SRRM1: variants seen among roughly 807,000 people sequenced by gnomAD.
The protein encoded by SRRM1 is serine/arginine repetitive matrix protein 1.
A neutral mutation model predicts 110.2 loss-of-function variants in SRRM1; 19 were observed. The ratio of observed to expected loss-of-function variants is 0.17; its 90% confidence interval spans 0.12 to 0.25. The LOEUF (loss-of-function observed/expected upper bound fraction) is 0.25, where lower values mean the gene tolerates loss of function less well. Among genes scored for constraint, SRRM1 ranks in the 10% least tolerant of loss-of-function variants. SRRM1 has a pLI of 1.00. For synonymous variants in SRRM1, 443 were observed against 414.9 expected, an observed-to-expected ratio of 1.07 and a Z score of -0.82; for missense variants, 918 against 1,145.8, an observed-to-expected ratio of 0.80 and a Z score of 2.87.
chr1:24,654,924 A>T lies in SRRM1; in HGVS notation c.1110A>T (p.Pro370=), dbSNP rs763844918. ...SSSSSSRSRS[P]PKKPPKRTSS... ...CCTCTTCATCTCGTTCACGGTCACC[A>T]CCAAAGAAGCCTCCCAAGAGGACAT... The change falls in exon 9 of 17, where the codon CCA becomes CCT. Residue 370 remains proline (P), a synonymous_variant. Coordinates refer to ENST00000323848, the MANE Select transcript of SRRM1 (RefSeq NM_005839.4). 4 of 1,614,070 alleles carry T rather than the reference A, an allele frequency of 2.5e-6. No homozygotes were observed. The East Asian group carries it at 8.9e-5, about 36-fold the overall frequency.
At chr1:24,643,556 C>G (rs954211265) in intron 1 of SRRM1, 37 of 436,796 alleles carry the variant, frequency 8.5e-5, no homozygotes, top group Middle Eastern at 5.8e-4. Context: ...AATGGTCCCC[C>G]CTACGCGGCG....
chr1:24,661,270 TTAAC>T (rs1322475533), intron 10 of SRRM1, 36 bp from the exon 11 acceptor site: 8 of 1,522,486 alleles, frequency 5.3e-6, no homozygotes, highest in Non-Finnish European at 7.3e-6. Context: ...TTCTATATGC[TTAAC>T]TAAAGAAACA....
intron 12 of SRRM1, 145 bp from the exon 13 acceptor site, chr1:24,666,670 G>T: frequency 3.4e-6 from 2 of 594,592 alleles, no homozygotes; most frequent in East Asian, 3.3e-5. Context: ...GAGGCTGAGG[G>T]GGGAGAATTG....
At chr1:24,660,495 G>A (rs553561235) in intron 9 of SRRM1, among the ~76,000 whole-genome samples, 1 of 152,252 alleles carries the variant, frequency 6.6e-6, no homozygotes, top group East Asian at 1.9e-4. Flanking sequence ...ATAGCAGGAA[G>A]GCATCTTGGC....
chr1:24,669,683 A>C (rs902462272), intron 14 of SRRM1, 96 bp downstream of exon 14: 1 of 985,268 alleles, frequency 1.0e-6, no homozygotes, highest in Non-Finnish European at 1.5e-6. Context: ...ATAAGTTATG[A>C]ATATGAGCTT....
At chr1:24,669,770 C>T (rs1355445301) in intron 14 of SRRM1, 183 bp downstream of exon 14, 36 of 618,384 alleles carry the variant, frequency 5.8e-5, no homozygotes, top group Admixed American at 3.1e-5. Context: ...AGTTAAATGC[C>T]ACAGGCTTTT....
chr1:24,669,745 A>G, intron 14 of SRRM1, 158 bp downstream of exon 14: 1 of 676,072 alleles, frequency 1.5e-6, no homozygotes. Context: ...TTTTTGGGAT[A>G]GTTTCTGTGG....
chr1:24,658,912 C>A (rs1330132692), intron 9 of SRRM1, among the ~76,000 whole-genome samples: 1 of 152,042 alleles, frequency 6.6e-6, no homozygotes, highest in African/African-American at 2.4e-5. Context: ...TAAGAAAAGT[C>A]GCTGGGCGCG....
chr1:24,654,037 G>A (rs1215070142), intron 8 of SRRM1, among the ~76,000 whole-genome samples: 4 of 152,154 alleles, frequency 2.6e-5, no homozygotes, highest in African/African-American at 4.8e-5. Context: ...GAATTGATGT[G>A]TTGTGCTCAT....
rs1670133436 is a variant in SRRM1, at chr1:24,666,667, A to AT, written c.1629-148_1629-147insT. ...GTAATCCCAACTACTCAGGAGGCTG[A>AT]GGGGGGAGAATTGCTTGAACCTGGG... is the stretch of plus-strand genomic sequence containing the variant. On this transcript the variant is annotated intron_variant, in intron 12 of 16. Coordinates refer to ENST00000323848, the MANE Select transcript of SRRM1 (RefSeq NM_005839.4). 3 of 590,418 alleles carry AT rather than the reference A, an allele frequency of 5.1e-6. No homozygotes were observed. In the East Asian group the frequency reaches 9.8e-5, roughly 19 times the overall value. The allele number at this position is 590,418 out of a possible 1,614,324, so 36.6% of individuals were successfully genotyped here. A position where few individuals can be genotyped will look rare whatever the true frequency, so the allele number is the denominator to read the frequency against.
Position 24,652,467 on chromosome 1 carries a change from A to C in SRRM1, c.759A>C (p.Ile253=). ...TGAAAGTTCCCAAACCTGAACCTAT[A>C]CCAGAGCCTAAAGAACCTTCTCCGG... ...DILKVPKPEP[I]PEPKEPSPEK... The change falls in exon 7 of 17, where the codon ATA becomes ATC. Residue 253 remains isoleucine (I), a synonymous_variant. Transcript: ENST00000323848. 6.2e-7 allele frequency: 1 copy of C among 1,609,890 alleles called. No individual in the cohort carries two copies. Among genetic ancestry groups the C allele is most frequent in the South Asian group, 1.1e-5 (1 of 90,496 alleles).
chr1:24,671,092 G>T (rs1672500685), intron 15 of SRRM1, among the ~76,000 whole-genome samples: 1 of 152,194 alleles, frequency 6.6e-6, no homozygotes, highest in African/African-American at 2.4e-5. Context: ...GCTTTATCAG[G>T]TAGGGATTAT....
intron 13 of SRRM1, among the ~76,000 whole-genome samples, chr1:24,668,536 G>A (rs187111729): frequency 7.2e-5 from 11 of 152,338 alleles, no homozygotes; most frequent in Admixed American, 7.2e-4. Flanking sequence ...TATCCAAGAG[G>A]AAATTAGGCA....
At chr1:24,660,064 T>C (rs1666351189) in intron 9 of SRRM1, among the ~76,000 whole-genome samples, 1 of 152,260 alleles carries the variant, frequency 6.6e-6, no homozygotes, top group Non-Finnish European at 1.5e-5. Context: ...ACCAAATATC[T>C]TTGTGAAAGT....
intron 6 of SRRM1, 66 bp downstream of exon 6, chr1:24,651,678 C>T: frequency 8.4e-7 from 1 of 1,194,466 alleles, no homozygotes; most frequent in Non-Finnish European, 1.2e-6. Context: ...GCAAATATGA[C>T]ATCTGAGTTA....
Position 24,648,845 on chromosome 1 carries a change from G to A in SRRM1, c.235-14G>A, listed in dbSNP as rs371375236. On this transcript the variant is annotated splice_polypyrimidine_tract_variant and intron_variant, in intron 3 of 16. Coordinates refer to ENST00000323848, the MANE Select transcript of SRRM1 (RefSeq NM_005839.4). ...GAAGTAACCTGTTTTTCTTCCTGTC[G>A]TGTCTTTTTGCAGAATCCAGACTCC... The A allele has an allele frequency of 1.4e-5, 22 of 1,605,320 alleles. No homozygotes were observed. The highest frequency in any genetic ancestry group is 3.5e-5 in the Admixed American group (2 of 57,784).
chr1:24,645,513 G>C (rs1294846022), intron 1 of SRRM1, among the ~76,000 whole-genome samples: 1 of 152,178 alleles, frequency 6.6e-6, no homozygotes, highest in Non-Finnish European at 1.5e-5. Flanking sequence ...AAAAGTTGTA[G>C]AAGACTAACA....
chr1:24,656,326 T>C (rs1211949004), intron 9 of SRRM1, among the ~76,000 whole-genome samples: 3 of 152,234 alleles, frequency 2.0e-5, no homozygotes, highest in Admixed American at 6.5e-5. Flanking sequence ...CAGATTATGA[T>C]AGTCTGTAAA....
Position 24,661,360 on chromosome 1 carries a change from C to T in SRRM1, c.1447C>T (p.Arg483Cys). 1.9e-6 allele frequency: 3 copies of T among 1,613,358 alleles called. No individual in the cohort carries two copies. The highest frequency in any genetic ancestry group is 1.1e-5 in the South Asian group (1 of 90,986). ...TGCAGCAGATTCTGTGCAGCAGAGACGCCAATACAGACGACAAAACCAGCA... is the reference window on the plus strand; with the variant it reads ...TGCAGCAGATTCTGTGCAGCAGAGATGCCAATACAGACGACAAAACCAGCA... Reference protein sequence around the residue: ...MAAADSVQQRRQYRRQNQQSS... With the variant: ...MAAADSVQQRCQYRRQNQQSS... Residue 483 changes from arginine (R) to cysteine (C), a missense_variant, in exon 11 of 17, where the codon CGC becomes TGC. Physicochemically the swap from Arg to Cys is radical, Grantham distance 180. Coordinates refer to ENST00000323848, the MANE Select transcript of SRRM1 (RefSeq NM_005839.4).
Sources: allele counts gnomAD v4.1 joint callset (sites outside exome capture counted in the v4.1 genomes callset), GRCh38; gene constraint gnomAD v4.1.1; transcripts MANE v1.5; gene names NCBI Gene and HGNC (gene_info 2026-07-23, HGNC 2026-07-21).